The following NCKAP5 variants were observed in gnomAD, a reference collection of about 807,000 sequenced individuals.
NCKAP5 encodes NCK associated protein 5.
NCKAP5 carries 92 observed loss-of-function variants against 167.0 expected under a neutral mutation model. The ratio of observed to expected loss-of-function variants is 0.55; its 90% confidence interval spans 0.47 to 0.66. The LOEUF (loss-of-function observed/expected upper bound fraction) is 0.66, where lower values mean the gene tolerates loss of function less well. NCKAP5 is among the 30% of genes least tolerant of loss of function. The probability of loss-of-function intolerance (pLI) is 0.00; values close to 1 mark genes in which losing one functional copy is unlikely to be tolerated. For synonymous variants in NCKAP5, 891 were observed against 877.4 expected (o/e 1.02, Z -0.27); for missense variants, 2,378 against 2,315.0 (o/e 1.03, Z -0.56).
intron 3 of NCKAP5, among the ~76,000 whole-genome samples, chr2:133,380,279 C>T (rs1037759375): frequency 2.0e-4 from 31 of 151,924 alleles, no homozygotes; most frequent in African/African-American, 6.8e-4. Context: ...TTTTCACTTT[C>T]TATTTAATGC....
At chr2:133,168,032 A>G (rs534144190) in intron 5 of NCKAP5, among the ~76,000 whole-genome samples, 1 of 152,246 alleles carries the variant, frequency 6.6e-6, no homozygotes, top group East Asian at 1.9e-4. Flanking sequence ...TAAGCGCTTT[A>G]TATGATAATT....
chr2:132,754,036 G>A (rs1313048671), intron 16 of NCKAP5, among the ~76,000 whole-genome samples: 1 of 152,216 alleles, frequency 6.6e-6, no homozygotes, highest in Non-Finnish European at 1.5e-5. Flanking sequence ...AGCTAAAGTT[G>A]TAGCCAGGCT....
Position 132,783,547 on chromosome 2 carries a change from T to C in NCKAP5, c.3264A>G (p.Arg1088=), listed in dbSNP as rs1294114420. ...AGGCGCTATCATTCAATTGTCCTTTTCTCCCTGGAGATACACTTTTGGAGG... is the reference window on the plus strand; with the variant it reads ...AGGCGCTATCATTCAATTGTCCTTTCCTCCCTGGAGATACACTTTTGGAGG... ...MTSSKSVSPG[R]KGQLNDSAST... is the part of the protein sequence containing the mutation. The change falls in exon 14 of 20, where the codon AGA becomes AGG. Residue 1088 remains arginine, a synonymous_variant. Coordinates refer to ENST00000409261, the MANE Select transcript of NCKAP5 (RefSeq NM_207363.3). 6.2e-7 allele frequency: 1 copy of C among 1,613,876 alleles called. No homozygotes were observed. The highest frequency in any genetic ancestry group is 1.1e-5 in the South Asian group (1 of 91,074).
At chr2:133,408,317 A>T (rs759079842) in intron 3 of NCKAP5, among the ~76,000 whole-genome samples, 4 of 152,166 alleles carry the variant, frequency 2.6e-5, no homozygotes, top group Non-Finnish European at 5.9e-5. Context: ...TTTGCATGGC[A>T]TAACTTTTGC....
intron 16 of NCKAP5, among the ~76,000 whole-genome samples, chr2:132,768,027 G>C (rs1164709286): frequency 1.3e-5 from 2 of 152,238 alleles, no homozygotes; most frequent in Non-Finnish European, 2.9e-5. Flanking sequence ...GAAGAGACTA[G>C]GAGTACACCC....
chr2:132,920,799 A>G lies in NCKAP5; in HGVS notation c.580-41883T>C, dbSNP rs1255716202. On this transcript the variant is annotated intron_variant, in intron 8 of 19. Coordinates refer to ENST00000409261, the MANE Select transcript of NCKAP5 (RefSeq NM_207363.3). Reference sequence around the variant, plus strand: ...TATATATATATATATATATATATATATATATATATATATATATATGGAAGA... The same window carrying G: ...TATATATATATATATATATATATATGTATATATATATATATATATGGAAGA... Among the ~76,000 whole-genome samples, 157 of 105,526 alleles carry G rather than the reference A, an allele frequency of 1.5e-3. 22 individuals are homozygous for G. The highest frequency in any genetic ancestry group is 5.2e-3 in the African/African-American group (136 of 26,072). The allele number at this position is 105,526 out of a possible 152,430, so 69.2% of individuals were successfully genotyped here.
chr2:133,666,814 C>A, the NCKAP5 span, among the ~76,000 whole-genome samples: 1 of 151,836 alleles, frequency 6.6e-6, no homozygotes, highest in Non-Finnish European at 1.5e-5. Flanking sequence ...TATGAGACAG[C>A]CTGTCTCATA....
At chr2:132,888,940 G>T (rs1692462226) in intron 8 of NCKAP5, among the ~76,000 whole-genome samples, 1 of 152,166 alleles carries the variant, frequency 6.6e-6, no homozygotes, top group Admixed American at 6.5e-5. Flanking sequence ...ATTGACCAAT[G>T]GAAGGAGGCT....
the NCKAP5 span, among the ~76,000 whole-genome samples, chr2:133,627,965 A>C: frequency 6.6e-6 from 1 of 152,308 alleles, no homozygotes; most frequent in South Asian, 2.1e-4. Context: ...ATGTGACATG[A>C]GCAGAGACTT....
intron 2 of NCKAP5, among the ~76,000 whole-genome samples, chr2:133,522,707 A>C (rs938032643): frequency 1.3e-5 from 2 of 152,206 alleles, no homozygotes; most frequent in Non-Finnish European, 2.9e-5. Context: ...CACATTTACA[A>C]GAGTGAGGTT....
intron 6 of NCKAP5, among the ~76,000 whole-genome samples, chr2:133,057,884 GC>G (rs2079858674): frequency 6.6e-6 from 1 of 152,210 alleles, no homozygotes; most frequent in Non-Finnish European, 1.5e-5. Flanking sequence ...TGAAGTCAAA[GC>G]CTGGCTTTAA....
chr2:133,604,073 G>C, the NCKAP5 span, among the ~76,000 whole-genome samples: 1 of 152,174 alleles, frequency 6.6e-6, no homozygotes, highest in Non-Finnish European at 1.5e-5. Flanking sequence ...AATGCTTTCT[G>C]GGGAAAGGAG....
chr2:132,780,601 A>G (rs1001595243), intron 15 of NCKAP5, among the ~76,000 whole-genome samples: 2 of 152,264 alleles, frequency 1.3e-5, no homozygotes, highest in African/African-American at 4.8e-5. Context: ...TTCATAAAAC[A>G]TGAACAATGC....
chr2:132,769,662 C>T (rs1558745337), intron 16 of NCKAP5, among the ~76,000 whole-genome samples: 2 of 152,178 alleles, frequency 1.3e-5, no homozygotes, highest in African/African-American at 2.4e-5. Flanking sequence ...GAGACATGCT[C>T]AGTCCTCTTT....
intron 3 of NCKAP5, chr2:133,381,636 T>A (rs1039108214): frequency 4.6e-5 from 7 of 152,228 alleles, no homozygotes; most frequent in African/African-American, 1.7e-4. Context: ...GAAATACTGA[T>A]CTAAAGAAAT....
chr2:133,538,909 T>G (rs4954063), intron 2 of NCKAP5, among the ~76,000 whole-genome samples: 64,048 of 141,768 alleles, frequency 0.45, 15,534 homozygotes, highest in East Asian at 0.95. Flanking sequence ...TTTTTTTTGG[T>G]TTTTTTTTGT....
chr2:133,558,033 A>G (rs1687868457), intron 2 of NCKAP5: 1 of 152,254 alleles, frequency 6.6e-6, no homozygotes, highest in South Asian at 2.1e-4. Context: ...GCAGATGGGA[A>G]CACTTGATCC....
the NCKAP5 span, among the ~76,000 whole-genome samples, chr2:133,664,033 C>G: frequency 1.3e-5 from 2 of 152,168 alleles, no homozygotes; most frequent in South Asian, 2.1e-4. Flanking sequence ...CTTCTTCATC[C>G]CTGGACTACT....
chr2:133,629,453 T>G, the NCKAP5 span, among the ~76,000 whole-genome samples: 1 of 152,106 alleles, frequency 6.6e-6, no homozygotes, highest in Non-Finnish European at 1.5e-5. Context: ...CCAGTCAGAA[T>G]GGTGATTATT....
Sources: allele counts gnomAD v4.1 joint callset (sites outside exome capture counted in the v4.1 genomes callset), GRCh38; gene constraint gnomAD v4.1.1; transcripts MANE v1.5; gene names NCBI Gene and HGNC (gene_info 2026-07-23, HGNC 2026-07-21).